The following RAD54L2 variants were observed in gnomAD, a reference collection of about 807,000 sequenced individuals.
RAD54L2 encodes the protein RAD54 like 2.
Under a neutral mutation model 138.4 loss-of-function variants are expected in RAD54L2, and 27 were observed. The observed-to-expected ratio is 0.20, with a 90% CI of 0.14 to 0.27. The LOEUF (loss-of-function observed/expected upper bound fraction) is 0.27, where lower values mean the gene tolerates loss of function less well. Among genes scored for constraint, RAD54L2 ranks in the 10% least tolerant of loss-of-function variants. RAD54L2 has a pLI of 1.00. For synonymous variants in RAD54L2, 644 were observed against 723.2 expected (o/e 0.89, Z 1.76); for missense variants, 1,396 against 1,890.2 (o/e 0.74, Z 4.85).
In RAD54L2 at chr3:51,638,296, T is replaced by C. The variant is rs768789158; in HGVS notation, c.1835T>C (p.Leu612Pro). Reference protein sequence around the residue: ...GSSGWLGLNPLKAFCVCCKIW... With the variant: ...GSSGWLGLNPPKAFCVCCKIW... ...AGCGGTTGGCTGGGGCTGAACCCCCTTAAGGCATTCTGTGTGTGTTGCAAG... is the reference window on the plus strand; with the variant it reads ...AGCGGTTGGCTGGGGCTGAACCCCCCTAAGGCATTCTGTGTGTGTTGCAAG... Residue 612 changes from leucine to proline, a missense_variant, in exon 12 of 23, where the codon CTT (leucine) becomes CCT (proline). Coordinates refer to ENST00000684192, the MANE Select transcript of RAD54L2 (RefSeq NM_015106.4). This position sits in a 1 kb window ranked among gnomAD's most constrained non-coding sequence, Gnocchi z 4.3. 1.9e-6 allele frequency: 3 copies of C among 1,613,824 alleles called. No individual in the cohort carries two copies. The African/African-American group carries it at 4.0e-5, about 22-fold the overall frequency.
intron 2 of RAD54L2, among the ~76,000 whole-genome samples, chr3:51,560,080 A>G (rs1699063151): frequency 6.6e-6 from 1 of 150,678 alleles, no homozygotes; most frequent in South Asian, 2.1e-4. Flanking sequence ...TGCTCCAGTT[A>G]AGTGGTGCTG....
intron 3 of RAD54L2, among the ~76,000 whole-genome samples, chr3:51,601,053 C>T (rs917175330): frequency 6.6e-6 from 1 of 152,172 alleles, no homozygotes; most frequent in Admixed American, 6.5e-5. Context: ...CTGTTGGAAA[C>T]AAGGTTCTCA....
In RAD54L2 at chr3:51,638,262, T is replaced by C. The variant is rs371166109; in HGVS notation, c.1801T>C (p.Cys601Arg). The change falls in exon 12 of 23, where the codon TGT becomes CGT. Residue 601 changes from cysteine (C) to arginine (R), a missense_variant. Cys to Arg is a radical substitution (Grantham distance 180). Transcript: ENST00000684192. This position sits in a 1 kb window ranked among gnomAD's most constrained non-coding sequence, Gnocchi z 4.3. ...YTQFMDRFRD[C>R]GSSGWLGLNP... ...ACAGTTCATGGATCGCTTCCGGGACTGTGGTAGCAGCGGTTGGCTGGGGCT... is the reference window on the plus strand; with the variant it reads ...ACAGTTCATGGATCGCTTCCGGGACCGTGGTAGCAGCGGTTGGCTGGGGCT... 2.1e-4 allele frequency: 344 copies of C among 1,613,914 alleles called. No individual in the cohort carries two copies. The highest frequency in any genetic ancestry group is 2.8e-4 in the Non-Finnish European group (325 of 1,179,904).
intron 3 of RAD54L2, among the ~76,000 whole-genome samples, chr3:51,612,763 A>G (rs1700359515): frequency 6.6e-6 from 1 of 151,100 alleles, no homozygotes; most frequent in Non-Finnish European, 1.5e-5. Flanking sequence ...TTTCATAGTC[A>G]TTTATTTCAT....
At chr3:51,602,012 A>G (rs1213873351) in intron 3 of RAD54L2, among the ~76,000 whole-genome samples, 1 of 151,152 alleles carries the variant, frequency 6.6e-6, no homozygotes, top group East Asian at 2.0e-4. Flanking sequence ...TTGTATTTTT[A>G]ATAGAGACGC....
intron 2 of RAD54L2, among the ~76,000 whole-genome samples, chr3:51,587,107 T>C (rs1480630106): frequency 6.6e-6 from 1 of 152,042 alleles, no homozygotes; most frequent in Non-Finnish European, 1.5e-5. Context: ...TTCTTTCTTT[T>C]TTTTTTTCTC....
rs781572107 is a variant in RAD54L2, at chr3:51,630,687, T to C, written c.599-18T>C. ...TCACTCCCTGGATTTTTGGTTTTGCTTTTTTTTGCTGTCTCAGAGGTGATT... is the reference window on the plus strand; with the variant it reads ...TCACTCCCTGGATTTTTGGTTTTGCCTTTTTTTGCTGTCTCAGAGGTGATT... On this transcript the variant is annotated intron_variant, in intron 6 of 22. Coordinates refer to ENST00000684192, the MANE Select transcript of RAD54L2 (RefSeq NM_015106.4). The C allele has an allele frequency of 2.5e-5, 39 of 1,583,758 alleles. No homozygotes were observed. The South Asian group carries it at 3.4e-4, about 14-fold the overall frequency.
intron 3 of RAD54L2, among the ~76,000 whole-genome samples, chr3:51,616,937 A>G (rs1427060208): frequency 1.3e-5 from 2 of 152,236 alleles, no homozygotes; most frequent in Admixed American, 1.3e-4. Flanking sequence ...ATTATAGATT[A>G]GCTTTGCCTA....
chr3:51,657,965 G>A (rs1327594987), intron 21 of RAD54L2, among the ~76,000 whole-genome samples: 2 of 121,454 alleles, frequency 1.6e-5, no homozygotes, highest in Non-Finnish European at 3.2e-5. Flanking sequence ...TTGCTCTGTC[G>A]CCAGGCTGGA....
At position 51,607,761 on chromosome 3, in the gene RAD54L2, G is replaced by A. The variant is rs538569681; in HGVS notation, c.139+17202G>A. ...TCCTTACTTCCCAGACGGGGTGGCCGGGCAGAGGGGCCCCCCACCTCCCAG... is the reference window on the plus strand; with the variant it reads ...TCCTTACTTCCCAGACGGGGTGGCCAGGCAGAGGGGCCCCCCACCTCCCAG... On this transcript the variant is annotated intron_variant, in intron 3 of 22. Transcript: ENST00000684192. Among the ~76,000 whole-genome samples, 35 of 150,328 alleles carry A rather than the reference G, an allele frequency of 2.3e-4. 1 individual carries two copies. In the South Asian group the frequency reaches 2.9e-3, roughly 13 times the overall value.
chr3:51,644,357 A>G (rs987810579), intron 16 of RAD54L2, among the ~76,000 whole-genome samples: 1 of 152,108 alleles, frequency 6.6e-6, no homozygotes, highest in Admixed American at 6.5e-5. Context: ...AGGCGGGAGG[A>G]TGGCTTGAGT....
At chr3:51,597,729 G>A (rs1699994500) in intron 3 of RAD54L2, among the ~76,000 whole-genome samples, 1 of 152,046 alleles carries the variant, frequency 6.6e-6, no homozygotes. Flanking sequence ...TTGGGAGGCT[G>A]AAGAACGAGG....
At chr3:51,550,141 TC>T (rs1319832359) in intron 2 of RAD54L2, among the ~76,000 whole-genome samples, 1 of 152,168 alleles carries the variant, frequency 6.6e-6, no homozygotes, top group African/African-American at 2.4e-5. Context: ...TCCCACTGCC[TC>T]ACTTGAGCTG....
intron 2 of RAD54L2, among the ~76,000 whole-genome samples, chr3:51,553,654 C>G (rs1332110055): frequency 6.6e-6 from 1 of 152,120 alleles, no homozygotes; most frequent in Non-Finnish European, 1.5e-5. Flanking sequence ...TAACGAGACC[C>G]TGTCTCTACA....
intron 4 of RAD54L2, 62 bp from the exon 5 acceptor site, chr3:51,629,272 T>G (rs1279279646): frequency 6.6e-7 from 1 of 1,508,072 alleles, no homozygotes; most frequent in African/African-American, 1.4e-5. Context: ...TCTCTTTAGC[T>G]TGCCATTACA....
At chr3:51,546,218 T>C (rs898764563) in intron 2 of RAD54L2, among the ~76,000 whole-genome samples, 5 of 151,638 alleles carry the variant, frequency 3.3e-5, no homozygotes, top group African/African-American at 1.2e-4. Context: ...GGATTACAGG[T>C]GTGAGCCACC....
chr3:51,662,545 A>G lies in RAD54L2; in HGVS notation c.3529A>G (p.Ser1177Gly), dbSNP rs1181310187. ...CTCTCCTGACAGCCCAGAGATCATCAGTGAGCTTCAGCAGTATGCAGATGT... is the reference window on the plus strand; with the variant it reads ...CTCTCCTGACAGCCCAGAGATCATCGGTGAGCTTCAGCAGTATGCAGATGT... ...PVSPDSPEIISELQQYADVAA... is the reference protein window; with the variant it reads ...PVSPDSPEIIGELQQYADVAA... The change falls in exon 23 of 23, where the codon AGT becomes GGT. Residue 1177 changes from serine to glycine, a missense_variant. This residue lies in a region of RAD54L2 where 634 missense variants were observed against 711.2 expected (regional missense o/e 0.89). Coordinates refer to ENST00000684192, the MANE Select transcript of RAD54L2 (RefSeq NM_015106.4). This position sits in a 1 kb window ranked among gnomAD's most constrained non-coding sequence, Gnocchi z 4.6. The G allele has an allele frequency of 1.2e-6, 2 of 1,613,638 alleles. No homozygotes were observed. Among genetic ancestry groups the G allele is most frequent in the Non-Finnish European group, 1.7e-6 (2 of 1,179,840 alleles).
At chr3:51,639,358 C>T in intron 12 of RAD54L2, 61 bp from the exon 13 acceptor site, 1 of 1,582,612 alleles carries the variant, frequency 6.3e-7, no homozygotes, top group East Asian at 2.2e-5. Context: ...TTCCAGACTC[C>T]CTGGGACACC....
intron 2 of RAD54L2, among the ~76,000 whole-genome samples, chr3:51,560,481 T>G (rs759808137): frequency 9.3e-5 from 14 of 151,316 alleles, no homozygotes; most frequent in Non-Finnish European, 1.8e-4. Context: ...TTCCTCAGCC[T>G]CCTGTAGTAG....
Sources: gnomAD v4.1 joint callset for allele counts (sites outside exome capture counted in the v4.1 genomes callset) on GRCh38, gnomAD v4.1.1 for gene constraint, gnomAD v4.1.1 regional missense constraint, Gnocchi (gnomAD v3.1) non-coding constraint, MANE v1.5 for transcripts, NCBI Gene and HGNC (gene_info 2026-07-23, HGNC 2026-07-21) for gene names.